The following ERBB4 variants were observed in gnomAD, a reference collection of about 807,000 sequenced individuals.
The protein encoded by ERBB4 is receptor tyrosine-protein kinase erbB-4.
A neutral mutation model predicts 158.0 loss-of-function variants in ERBB4; 42 were observed. The observed-to-expected ratio is 0.27, with a 90% CI of 0.21 to 0.34. The LOEUF is 0.34. Among genes scored for constraint, ERBB4 ranks in the 10% least tolerant of loss-of-function variants. The pLI, the probability that ERBB4 is intolerant of heterozygous loss-of-function variation, is 1.00. For missense variants in ERBB4, 1,333 were observed against 1,624.1 expected, an observed-to-expected ratio of 0.82 and a Z score of 3.08; for synonymous variants, 583 against 558.7, an observed-to-expected ratio of 1.04 and a Z score of -0.61.
intron 20 of ERBB4, among the ~76,000 whole-genome samples, chr2:211,536,282 A>G (rs1259673849): frequency 6.6e-6 from 1 of 152,130 alleles, no homozygotes; most frequent in Non-Finnish European, 1.5e-5. Flanking sequence ...TCATTTGTTT[A>G]CCATGTCTGA....
intron 1 of ERBB4, among the ~76,000 whole-genome samples, chr2:212,387,607 G>A (rs1287300824): frequency 2.0e-5 from 3 of 151,860 alleles, no homozygotes; most frequent in East Asian, 3.9e-4. Flanking sequence ...TAGTAGAGAC[G>A]GGGTTTTGTC....
chr2:211,913,587 C>A (rs2125060561), intron 3 of ERBB4, among the ~76,000 whole-genome samples: 2 of 143,130 alleles, frequency 1.4e-5, no homozygotes, highest in Non-Finnish European at 3.0e-5. Context: ...GGCGACAGAG[C>A]AAGACTCTAT....
chr2:212,442,364 G>C (rs1211002435), intron 1 of ERBB4, among the ~76,000 whole-genome samples: 1 of 152,124 alleles, frequency 6.6e-6, no homozygotes, highest in East Asian at 1.9e-4. Flanking sequence ...TTTGAGGAAG[G>C]ACCCCACTAC....
chr2:211,424,028 G>A (rs780119712), intron 23 of ERBB4, 127 bp downstream of exon 23: 3 of 932,888 alleles, frequency 3.2e-6, no homozygotes, highest in East Asian at 2.5e-5. Flanking sequence ...GCGTTCATAT[G>A]TTCCTTTCAT....
intron 2 of ERBB4, among the ~76,000 whole-genome samples, chr2:212,016,491 TCTA>T (rs1172663803): frequency 2.6e-5 from 4 of 152,140 alleles, no homozygotes; most frequent in South Asian, 2.1e-4. Flanking sequence ...TTATAAAAAA[TCTA>T]CTGGCATATC....
intron 3 of ERBB4, among the ~76,000 whole-genome samples, chr2:211,848,651 A>G (rs1393715352): frequency 1.3e-5 from 2 of 152,030 alleles, no homozygotes; most frequent in Non-Finnish European, 2.9e-5. Context: ...ACAAAACCAT[A>G]TTGGTCTTTG....
intron 20 of ERBB4, among the ~76,000 whole-genome samples, chr2:211,491,646 C>A (rs951502459): frequency 2.6e-5 from 4 of 151,834 alleles, no homozygotes; most frequent in African/African-American, 9.7e-5. Flanking sequence ...TTATAAAGTT[C>A]TTAGGAATGG....
At chr2:212,478,552 G>T (rs902879500) in intron 1 of ERBB4, among the ~76,000 whole-genome samples, 2 of 152,084 alleles carry the variant, frequency 1.3e-5, no homozygotes, top group African/African-American at 4.8e-5. Flanking sequence ...CTGAGACAGA[G>T]AGAGAGATGA....
chr2:212,382,240 CATT>C (rs1404018290), intron 1 of ERBB4, among the ~76,000 whole-genome samples: 3 of 149,406 alleles, frequency 2.0e-5, no homozygotes, highest in African/African-American at 7.3e-5. Context: ...TATATATACA[CATT>C]ATATATTTAC....
At chr2:212,438,971 T>A (rs1243936437) in intron 1 of ERBB4, among the ~76,000 whole-genome samples, 1 of 152,144 alleles carries the variant, frequency 6.6e-6, no homozygotes, top group Non-Finnish European at 1.5e-5. Flanking sequence ...ACCAAACCAG[T>A]GAGACATGGT....
At chr2:212,415,418 CTGTT>C (rs2091623735) in intron 1 of ERBB4, among the ~76,000 whole-genome samples, 2 of 152,058 alleles carry the variant, frequency 1.3e-5, no homozygotes, top group South Asian at 2.1e-4. Context: ...AAATAGGGCT[CTGTT>C]TGTGTGTGTC....
chr2:212,087,131 T>C (rs2078639364), intron 2 of ERBB4, among the ~76,000 whole-genome samples: 2 of 151,756 alleles, frequency 1.3e-5, no homozygotes, highest in African/African-American at 4.8e-5. Context: ...AAAATGTGTC[T>C]ATAAGCAAGA....
At chr2:211,926,009 C>T (rs1482649883) in intron 3 of ERBB4, among the ~76,000 whole-genome samples, 1 of 151,972 alleles carries the variant, frequency 6.6e-6, no homozygotes, top group Non-Finnish European at 1.5e-5. Flanking sequence ...CTGAAAAAGG[C>T]AAAGGCCCAA....
At position 211,679,265 on chromosome 2, in the gene ERBB4, A is replaced by C. The variant is rs1194551580; in HGVS notation, c.1490-81T>G. On this transcript the variant is annotated intron_variant, in intron 12 of 27. Coordinates refer to ENST00000342788, the MANE Select transcript of ERBB4 (RefSeq NM_005235.3). Reference sequence around the variant, plus strand: ...AATCTTCCTAGGTAATGCTATTTCTAAAGGAGTTCACTTAAAAGAGATATA... The same window carrying C: ...AATCTTCCTAGGTAATGCTATTTCTCAAGGAGTTCACTTAAAAGAGATATA... 2.7e-6 allele frequency: 4 copies of C among 1,501,362 alleles called. No homozygotes were observed. The East Asian group carries it at 9.1e-5, about 34-fold the overall frequency. 93.0% of individuals were successfully genotyped at this position (1,501,362 alleles called of 1,614,324 possible). A position where few individuals can be genotyped will look rare whatever the true frequency, so the allele number is the denominator to read the frequency against.
intron 3 of ERBB4, among the ~76,000 whole-genome samples, chr2:211,924,871 C>T (rs1178416746): frequency 1.3e-5 from 2 of 152,114 alleles, no homozygotes; most frequent in Non-Finnish European, 2.9e-5. Context: ...TACGTTTATC[C>T]GCATCCATCC....
chr2:211,928,549 G>A (rs895657135), intron 3 of ERBB4, among the ~76,000 whole-genome samples: 2 of 152,160 alleles, frequency 1.3e-5, no homozygotes, highest in Non-Finnish European at 2.9e-5. Context: ...TTAGCAGCAT[G>A]CTTTCTTCCT....
chr2:212,307,065 TAAA>T (rs995329579), intron 1 of ERBB4, among the ~76,000 whole-genome samples: 5 of 151,214 alleles, frequency 3.3e-5, no homozygotes, highest in Non-Finnish European at 5.9e-5. Flanking sequence ...GACTTCAAAA[TAAA>T]AAGTACATCA....
chr2:212,232,473 A>G (rs1045694029), intron 1 of ERBB4, among the ~76,000 whole-genome samples: 1 of 152,252 alleles, frequency 6.6e-6, no homozygotes, highest in African/African-American at 2.4e-5. Context: ...CAGTAGCATG[A>G]TCTCAGCTCA....
At position 212,408,877 on chromosome 2, in the gene ERBB4, C is replaced by T. The variant is rs187150172; in HGVS notation, c.82+129572G>A. ...TTCTATTATGACATTTAAAAGCAAT[C>T]CTGACAAAAACATTATTTCAAGTGA... On this transcript the variant is annotated intron_variant, in intron 1 of 27. Coordinates refer to ENST00000342788, the MANE Select transcript of ERBB4 (RefSeq NM_005235.3). Among the ~76,000 whole-genome samples the T allele has an allele frequency of 5.7e-4, 87 of 152,202 alleles. 2 individuals carry two copies. Among genetic ancestry groups the T allele is most frequent in the Non-Finnish European group, 2.9e-5 (2 of 68,000 alleles).
Sources: gnomAD v4.1 joint callset for allele counts (sites outside exome capture counted in the v4.1 genomes callset) on GRCh38, gnomAD v4.1.1 for gene constraint, MANE v1.5 for transcripts, NCBI Gene and HGNC (gene_info 2026-07-23, HGNC 2026-07-21) for gene names.